Variants in CPXM2 observed in about 807,000 individuals in gnomAD.
CPXM2 encodes the protein inactive carboxypeptidase-like protein X2.
Under a neutral mutation model 86.1 loss-of-function variants are expected in CPXM2, and 66 were observed. The observed-to-expected ratio is 0.77, with a 90% CI of 0.63 to 0.94. CPXM2 has a LOEUF of 0.94. Among genes scored for constraint, CPXM2 ranks in the 40% least tolerant of loss-of-function variants. The pLI, the probability that CPXM2 is intolerant of heterozygous loss-of-function variation, is 0.00. For missense variants in CPXM2, 948 were observed against 1,026.3 expected, an observed-to-expected ratio of 0.92 and a Z score of 1.04; for synonymous variants, 388 against 400.2, an observed-to-expected ratio of 0.97 and a Z score of 0.36.
intron 4 of CPXM2, among the ~76,000 whole-genome samples, chr10:123,807,753 A>G (rs1847610892): frequency 6.6e-6 from 1 of 152,190 alleles, no homozygotes; most frequent in African/African-American, 2.4e-5. Context: ...TGACAGGCAA[A>G]TCCATTGTTA....
intron 8 of CPXM2, 119 bp downstream of exon 8, chr10:123,770,797 G>A: frequency 1.9e-6 from 2 of 1,056,732 alleles, no homozygotes; most frequent in Admixed American, 2.4e-5. Flanking sequence ...TGAGACAGCA[G>A]TGGTGTGGAC....
At chr10:123,848,939 C>T (rs2134167252) in intron 3 of CPXM2, among the ~76,000 whole-genome samples, 1 of 152,312 alleles carries the variant, frequency 6.6e-6, no homozygotes, top group African/African-American at 2.4e-5. Flanking sequence ...ACAGAAAAGA[C>T]AGTCAATACA....
chr10:123,840,327 A>G (rs1392244749), intron 4 of CPXM2, among the ~76,000 whole-genome samples: 1 of 152,260 alleles, frequency 6.6e-6, no homozygotes, highest in Non-Finnish European at 1.5e-5. Flanking sequence ...TACATACACA[A>G]AAGTGACTGA....
At position 123,880,595 on chromosome 10, in the gene CPXM2, T is replaced by C. The variant is rs200252617; in HGVS notation, c.305-286A>G. 7.5e-3 allele frequency among the ~76,000 whole-genome samples: 1,144 copies of C among 152,134 alleles called. 5 individuals carry two copies. Among genetic ancestry groups the C allele is most frequent in the African/African-American group, 0.02 (845 of 41,514 alleles). On this transcript the variant is annotated intron_variant, in intron 1 of 13. Coordinates refer to ENST00000241305, the MANE Select transcript of CPXM2 (RefSeq NM_198148.3). ...CTGTAATCCCAGCACTTTGGGAGGC[T>C]AAGGCGGGTGGATCACAAGGTCAGG...
At chr10:123,875,847 C>T (rs28606520) in intron 2 of CPXM2, among the ~76,000 whole-genome samples, 24,756 of 128,512 alleles carry the variant, frequency 0.19, 3,039 homozygotes, top group Non-Finnish European at 0.28. Context: ...GACAGAGTCT[C>T]GCTCTGTCAC....
Position 123,878,303 on chromosome 10 carries a change from T to TC in CPXM2, c.403+1907_403+1908insG, listed in dbSNP as rs1564809592. On this transcript the variant is annotated intron_variant, in intron 2 of 13. Coordinates refer to ENST00000241305, the MANE Select transcript of CPXM2 (RefSeq NM_198148.3). ...GACCCCCTTTTTTTCTCTCTTTTTT[T>TC]TTTTTTTTTTTTTTTTTTTTTAGTA... Among the ~76,000 whole-genome samples the TC allele has an allele frequency of 3.4e-4, 39 of 114,678 alleles. 5 individuals are homozygous for TC. Among genetic ancestry groups the TC allele is most frequent in the Non-Finnish European group, 4.8e-4 (23 of 48,346 alleles). The allele number at this position is 114,678 out of a possible 152,430, so 75.2% of individuals were successfully genotyped here. A position where few individuals can be genotyped will look rare whatever the true frequency, so the allele number is the denominator to read the frequency against.
At chr10:123,938,514 A>G (rs1026932301) in intron 2 of CPXM2, among the ~76,000 whole-genome samples, 2 of 152,198 alleles carry the variant, frequency 1.3e-5, no homozygotes, top group African/African-American at 4.8e-5. Context: ...TAGGAAGGGA[A>G]CAATTTTCCC....
chr10:123,845,366 T>G (rs1486347565), intron 3 of CPXM2, among the ~76,000 whole-genome samples: 1 of 151,580 alleles, frequency 6.6e-6, no homozygotes, highest in Non-Finnish European at 1.5e-5. Flanking sequence ...AAAAAAGGCT[T>G]TAAAAATCTA....
Position 123,921,723 on chromosome 10 carries a change from C to T in CPXM2, n.174+17754G>A, listed in dbSNP as rs145418580. 4.4e-3 allele frequency among the ~76,000 whole-genome samples: 672 copies of T among 152,324 alleles called. 3 individuals are homozygous for T. The highest frequency in any genetic ancestry group is 0.015 in the African/African-American group (618 of 41,570). ...ACCTACAGGGTAATAGAGACAGCCACATGTGCCATTGTTAGCCTGAGTGAA... is the reference window on the plus strand; with the variant it reads ...ACCTACAGGGTAATAGAGACAGCCATATGTGCCATTGTTAGCCTGAGTGAA... On this transcript the variant is annotated intron_variant and non_coding_transcript_variant, in intron 2 of 19. Transcript: ENST00000368854.
chr10:123,933,835 G>C (rs1487525656), intron 2 of CPXM2, among the ~76,000 whole-genome samples: 2 of 152,094 alleles, frequency 1.3e-5, no homozygotes, highest in Non-Finnish European at 2.9e-5. Context: ...AAGATGTAAG[G>C]AGCACAGGAG....
rs1247211872 is a variant in CPXM2 at position 123,862,698 on chromosome 10, G to T, written c.429C>A (p.Thr143=). 1.9e-6 allele frequency: 3 copies of T among 1,608,884 alleles called. No individual in the cohort carries two copies. In the South Asian group the frequency reaches 3.3e-5, roughly 18 times the overall value. ...GGAGCTGGAAGTCTGTGATTTTTAA[G>T]GTTTCCAGACCAAGAGGTGGGCAAC... is the stretch of plus-strand genomic sequence containing the variant. ...RESCPPLGLE[T]LKITDFQLHA... Residue 143 remains threonine, a synonymous_variant, in exon 3 of 14, where the codon ACC becomes ACA. Transcript: ENST00000241305.
At chr10:123,766,500 A>G (rs1490623426) in intron 10 of CPXM2, among the ~76,000 whole-genome samples, 1 of 152,130 alleles carries the variant, frequency 6.6e-6, no homozygotes, top group African/African-American at 2.4e-5. Flanking sequence ...TCTACAACAT[A>G]CTCTTTGTAA....
chr10:123,806,482 A>T (rs1278207052), intron 4 of CPXM2, among the ~76,000 whole-genome samples: 1 of 152,186 alleles, frequency 6.6e-6, no homozygotes, highest in Non-Finnish European at 1.5e-5. Flanking sequence ...AAAATAATAA[A>T]GTTATCTACA....
At chr10:123,892,469 G>A (rs1461919001), upstream of CPXM2, among the ~76,000 whole-genome samples, 1 of 152,168 alleles carries the variant, frequency 6.6e-6, no homozygotes, top group East Asian at 1.9e-4. Context: ...TTTGAGAAAG[G>A]GCCTCCTGCT....
At chr10:123,905,271 G>C (rs1945428243) in intron 2 of CPXM2, among the ~76,000 whole-genome samples, 1 of 152,228 alleles carries the variant, frequency 6.6e-6, no homozygotes, top group African/African-American at 2.4e-5. Flanking sequence ...CTTCCAGAAT[G>C]AAAGGCCTTC....
At chr10:123,765,225 G>A (rs1028132963) in intron 10 of CPXM2, among the ~76,000 whole-genome samples, 8 of 152,120 alleles carry the variant, frequency 5.3e-5, no homozygotes, top group African/African-American at 1.2e-4. Flanking sequence ...ATTCTTATAC[G>A]TCCCTTATGT....
At chr10:123,798,523 T>C (rs1847383301) in intron 5 of CPXM2, among the ~76,000 whole-genome samples, 1 of 152,086 alleles carries the variant, frequency 6.6e-6, no homozygotes, top group Non-Finnish European at 1.5e-5. Flanking sequence ...AAATGAACAA[T>C]GAGTGCAGAA....
intron 4 of CPXM2, among the ~76,000 whole-genome samples, chr10:123,804,038 T>C (rs116750240): frequency 0.013 from 1,935 of 152,176 alleles, 40 homozygotes; most frequent in African/African-American, 0.044. Flanking sequence ...TGCACCAGAG[T>C]GGAAATTTGC....
chr10:123,896,760 A>C (rs1181996438), upstream of CPXM2, among the ~76,000 whole-genome samples: 1 of 152,154 alleles, frequency 6.6e-6, no homozygotes, highest in Non-Finnish European at 1.5e-5. Context: ...GAGACACTGA[A>C]CGCAGGATAC....
Sources: allele counts gnomAD v4.1 joint callset (sites outside exome capture counted in the v4.1 genomes callset), GRCh38; gene constraint gnomAD v4.1.1; transcripts MANE v1.5; gene names NCBI Gene and HGNC (gene_info 2026-07-23, HGNC 2026-07-21).